The following PAX5 variants were observed in gnomAD, a reference collection of about 807,000 sequenced individuals.
PAX5 encodes the protein paired box protein Pax-5.
A neutral mutation model predicts 43.7 loss-of-function variants in PAX5; 9 were observed. The ratio of observed to expected loss-of-function variants is 0.21; its 90% confidence interval spans 0.12 to 0.36. The LOEUF is 0.36. Ranked by LOEUF, PAX5 falls within the 10% of genes least tolerant of loss-of-function variation. The pLI, the probability that PAX5 is intolerant of heterozygous loss-of-function variation, is 1.00. For synonymous variants in PAX5, 228 were observed against 214.3 expected (o/e 1.06, Z -0.56); for missense variants, 383 against 532.7 (o/e 0.72, Z 2.77).
chr9:36,876,852 G>T (rs1426265676), intron 8 of PAX5, among the ~76,000 whole-genome samples: 1 of 152,206 alleles, frequency 6.6e-6, no homozygotes, highest in Non-Finnish European at 1.5e-5. Flanking sequence ...GGAAGGAGCA[G>T]ACAACTCTGA....
At position 37,023,356 on chromosome 9, in the gene PAX5, C is replaced by T. The variant is rs80207532; in HGVS notation, c.47-2555G>A. Among the ~76,000 whole-genome samples, 256 of 152,290 alleles carry T rather than the reference C, an allele frequency of 1.7e-3. 2 individuals are homozygous for T. Among genetic ancestry groups the T allele is most frequent in the African/African-American group, 5.8e-3 (239 of 41,564 alleles). ...TTCTGGGGTGCCAGCTCTGGCCCTG[C>T]ATCTTCTTGGAGAACCCAAGTCCCA... On this transcript the variant is annotated intron_variant, in intron 1 of 9. Transcript: ENST00000358127.
chr9:36,866,103 A>G (rs1237140900), intron 8 of PAX5, among the ~76,000 whole-genome samples: 7 of 152,238 alleles, frequency 4.6e-5, no homozygotes, highest in Non-Finnish European at 1.0e-4. Context: ...TGGGGAATAA[A>G]TCATCAATTA....
intron 5 of PAX5, among the ~76,000 whole-genome samples, chr9:36,992,161 A>T (rs1420861894): frequency 1.6e-5 from 2 of 127,628 alleles, no homozygotes. Context: ...TGAGTCAACC[A>T]GAAACATTCC....
At chr9:36,842,945 G>T (rs1014538226) in intron 9 of PAX5, among the ~76,000 whole-genome samples, 6 of 152,182 alleles carry the variant, frequency 3.9e-5, no homozygotes, top group Non-Finnish European at 8.8e-5. Flanking sequence ...CTTCAGCCAG[G>T]TTGGACGAGG....
At chr9:37,002,535 C>T (rs1837977521) in intron 5 of PAX5, 113 bp downstream of exon 5, 1 of 1,161,208 alleles carries the variant, frequency 8.6e-7, no homozygotes, top group South Asian at 1.5e-5. Flanking sequence ...GGGACTCGCT[C>T]CTCTGCAGGT....
chr9:36,883,296 G>A (rs1321999402), intron 7 of PAX5, among the ~76,000 whole-genome samples: 1 of 152,166 alleles, frequency 6.6e-6, no homozygotes, highest in African/African-American at 2.4e-5. Flanking sequence ...CAGAAGATCA[G>A]TGCCTCACCA....
intron 6 of PAX5, among the ~76,000 whole-genome samples, chr9:36,931,710 G>A (rs771403093): frequency 6.6e-5 from 10 of 152,006 alleles, no homozygotes; most frequent in Non-Finnish European, 1.0e-4. Context: ...TCAGCCAGCC[G>A]TGGTGGCATG....
rs2132503032 is a variant in PAX5, at chr9:37,020,672, C to T, written c.176G>A (p.Arg59Gln). 2 of 1,614,188 alleles carry T rather than the reference C, an allele frequency of 1.2e-6. No individual in the cohort carries two copies. The highest frequency in any genetic ancestry group is 1.7e-6 in the Non-Finnish European group (2 of 1,180,026). ...TTTGCTGACACAACCATGGCTGACC[C>T]GAAGCTGCCTGGAGATGTCGCAGGG... ...VRPCDISRQL[R>Q]VSHGCVSKIL... Residue 59 changes from arginine to glutamine, a missense_variant, in exon 2 of 10, where the codon CGG becomes CAG. Physicochemically the swap from Arg to Gln is conservative, Grantham distance 43. Coordinates refer to ENST00000358127, the MANE Select transcript of PAX5 (RefSeq NM_016734.3).
intron 5 of PAX5, among the ~76,000 whole-genome samples, chr9:36,993,323 T>C (rs956325696): frequency 1.3e-5 from 2 of 152,266 alleles, no homozygotes; most frequent in African/African-American, 4.8e-5. Context: ...TTTTAAACTT[T>C]CATCCATTTT....
intron 7 of PAX5, among the ~76,000 whole-genome samples, chr9:36,893,746 A>T (rs1208471751): frequency 3.3e-5 from 5 of 152,232 alleles, no homozygotes; most frequent in African/African-American, 4.8e-5. Flanking sequence ...AGTCTGGGGT[A>T]CTTGGTGGAA....
chr9:36,936,826 A>T (rs1472275364), intron 6 of PAX5, among the ~76,000 whole-genome samples: 1 of 118,678 alleles, frequency 8.4e-6, no homozygotes, highest in African/African-American at 3.1e-5. Flanking sequence ...GCACACACAC[A>T]CATGCACACA....
rs562715881 is a variant in PAX5, at chr9:36,996,192, C to T, written c.604+6456G>A. ...TAAAGCCTGCTGCCCTCTGCCATGA[C>T]GGGCCTCACGTCCTCAAACATAGGC... On this transcript the variant is annotated intron_variant, in intron 5 of 9. Transcript: ENST00000358127. Among the ~76,000 whole-genome samples, 113 of 152,378 alleles carry T rather than the reference C, an allele frequency of 7.4e-4. 1 individual carries two copies. The highest frequency in any genetic ancestry group is 2.5e-3 in the African/African-American group (102 of 41,592).
chr9:36,861,837 T>C (rs750656547), intron 8 of PAX5, among the ~76,000 whole-genome samples: 1 of 152,018 alleles, frequency 6.6e-6, no homozygotes, highest in Non-Finnish European at 1.5e-5. Flanking sequence ...CTGACTCCAA[T>C]TTTCACAGGC....
chr9:36,903,606 C>T (rs183224836), intron 7 of PAX5, among the ~76,000 whole-genome samples: 1 of 152,316 alleles, frequency 6.6e-6, no homozygotes, highest in East Asian at 1.9e-4. Flanking sequence ...GAATACACAG[C>T]ATGTTTCCCA....
At chr9:36,908,898 A>AT (rs1310101235) in intron 7 of PAX5, among the ~76,000 whole-genome samples, 1 of 152,176 alleles carries the variant, frequency 6.6e-6, no homozygotes, top group Non-Finnish European at 1.5e-5. Flanking sequence ...CACTGAAATT[A>AT]TTTTTTTAAT....
chr9:36,914,920 T>G (rs1829608200), intron 7 of PAX5, among the ~76,000 whole-genome samples: 1 of 152,256 alleles, frequency 6.6e-6, no homozygotes, highest in South Asian at 2.1e-4. Context: ...AATGAAATAC[T>G]TAAATACTTA....
At position 36,999,469 on chromosome 9, in the gene PAX5, G is replaced by A. The variant is rs184314195; in HGVS notation, c.604+3179C>T. Reference sequence around the variant, plus strand: ...CCTCTGTGGTTGGATCCTATCACCCGTTCACCTCTGCAAGATCTGGGCAGG... The same window carrying A: ...CCTCTGTGGTTGGATCCTATCACCCATTCACCTCTGCAAGATCTGGGCAGG... On this transcript the variant is annotated intron_variant, in intron 5 of 9. Transcript: ENST00000358127. Among the ~76,000 whole-genome samples, 11 of 152,288 alleles carry A rather than the reference G, an allele frequency of 7.2e-5. No homozygotes were observed. The East Asian group carries it at 1.2e-3, about 16-fold the overall frequency.
intron 5 of PAX5, among the ~76,000 whole-genome samples, chr9:36,991,137 A>G (rs1427876634): frequency 1.3e-5 from 2 of 152,002 alleles, no homozygotes; most frequent in Non-Finnish European, 2.9e-5. Flanking sequence ...AATTCCAGCA[A>G]AAATTATAAA....
At chr9:36,878,046 C>G (rs1489060991) in intron 8 of PAX5, among the ~76,000 whole-genome samples, 1 of 152,158 alleles carries the variant, frequency 6.6e-6, no homozygotes, top group Non-Finnish European at 1.5e-5. Context: ...AACCACAAAA[C>G]CTGGAGGAGG....
Sources: gnomAD v4.1 joint callset for allele counts (sites outside exome capture counted in the v4.1 genomes callset) on GRCh38, gnomAD v4.1.1 for gene constraint, MANE v1.5 for transcripts, NCBI Gene and HGNC (gene_info 2026-07-23, HGNC 2026-07-21) for gene names.